ROBO1: variants seen among roughly 807,000 people sequenced by gnomAD.
ROBO1 encodes the protein roundabout guidance receptor 1.
Under a neutral mutation model 195.9 loss-of-function variants are expected in ROBO1, and 149 were observed. The observed-to-expected ratio is 0.76, with a 90% CI of 0.67 to 0.87. The LOEUF (loss-of-function observed/expected upper bound fraction) is 0.87. Ranked by LOEUF, ROBO1 falls within the 40% of genes least tolerant of loss-of-function variation. The pLI, the probability that ROBO1 is intolerant of heterozygous loss-of-function variation, is 0.00. For synonymous variants in ROBO1, 816 were observed against 733.2 expected (o/e 1.11, Z -1.82); for missense variants, 1,933 against 2,068.3 (o/e 0.93, Z 1.27).
At chr3:79,634,667 T>C (rs1945443420) in intron 1 of ROBO1, among the ~76,000 whole-genome samples, 1 of 152,174 alleles carries the variant, frequency 6.6e-6, no homozygotes, top group Non-Finnish European at 1.5e-5. Flanking sequence ...AAACACAGCA[T>C]GATTTTTATC....
chr3:79,316,725 TG>T (rs1372560813), intron 2 of ROBO1, among the ~76,000 whole-genome samples: 1 of 152,070 alleles, frequency 6.6e-6, no homozygotes, highest in Non-Finnish European at 1.5e-5. Context: ...AGTGCCCAGC[TG>T]GGGTTATTAA....
intron 1 of ROBO1, among the ~76,000 whole-genome samples, chr3:79,619,937 G>A (rs1360190568): frequency 6.6e-6 from 1 of 152,074 alleles, no homozygotes; most frequent in Non-Finnish European, 1.5e-5. Flanking sequence ...TAGAGAACAG[G>A]CATCCAAGTG....
chr3:79,333,376 G>A (rs368153972), intron 2 of ROBO1, among the ~76,000 whole-genome samples: 22 of 151,920 alleles, frequency 1.4e-4, no homozygotes, highest in Non-Finnish European at 2.4e-4. Context: ...TCAAGCATGC[G>A]TAACCATGTA....
intron 2 of ROBO1, among the ~76,000 whole-genome samples, chr3:79,272,766 C>G (rs2030680241): frequency 6.6e-6 from 1 of 152,022 alleles, no homozygotes; most frequent in Non-Finnish European, 1.5e-5. Context: ...CACTTTAGCC[C>G]AAAGCGGCAG....
Position 79,164,361 on chromosome 3 carries a change from T to C in ROBO1, c.89-38822A>G, listed in dbSNP as rs575516581. Among the ~76,000 whole-genome samples the C allele has an allele frequency of 4.4e-4, 67 of 152,290 alleles. 1 individual carries two copies. The highest frequency in any genetic ancestry group is 1.6e-3 in the African/African-American group (65 of 41,558). On this transcript the variant is annotated intron_variant, in intron 2 of 30. Transcript: ENST00000464233. ...GAAATCTATCAGAAGGACACATATT[T>C]GTAAGACTTTTACAGCAGAGATTCA...
chr3:79,749,715 T>G (rs1364183096), intron 1 of ROBO1, among the ~76,000 whole-genome samples: 1 of 152,218 alleles, frequency 6.6e-6, no homozygotes, highest in Non-Finnish European at 1.5e-5. Context: ...CATGTGGTGT[T>G]GAACCTACAA....
At chr3:79,308,050 G>C (rs2033304216) in intron 2 of ROBO1, among the ~76,000 whole-genome samples, 1 of 152,084 alleles carries the variant, frequency 6.6e-6, no homozygotes, top group South Asian at 2.1e-4. Context: ...ATTCCCACAA[G>C]CTGACAGCTA....
intron 8 of ROBO1, among the ~76,000 whole-genome samples, chr3:78,706,152 G>A (rs544238680): frequency 1.5e-4 from 23 of 152,034 alleles, no homozygotes; most frequent in African/African-American, 5.5e-4. Context: ...ACTCTCACTC[G>A]GATGGGGAGT....
At chr3:79,065,031 T>G (rs1020057142) in intron 3 of ROBO1, among the ~76,000 whole-genome samples, 9 of 152,092 alleles carry the variant, frequency 5.9e-5, no homozygotes, top group African/African-American at 2.2e-4. Context: ...TGTGATCAGG[T>G]GGAGGTTGTA....
At chr3:79,695,898 G>T (rs905056282) in intron 1 of ROBO1, among the ~76,000 whole-genome samples, 4 of 151,236 alleles carry the variant, frequency 2.6e-5, no homozygotes, top group Non-Finnish European at 5.9e-5. Flanking sequence ...TCTTTAGAAA[G>T]TTTAGTTTCA....
chr3:79,702,314 C>T (rs1947643420), intron 1 of ROBO1, among the ~76,000 whole-genome samples: 1 of 151,824 alleles, frequency 6.6e-6, no homozygotes, highest in Non-Finnish European at 1.5e-5. Context: ...TGGTTTTGCT[C>T]AGGTGGACAA....
intron 1 of ROBO1, among the ~76,000 whole-genome samples, chr3:79,767,373 G>A (rs1162604120): frequency 6.6e-6 from 1 of 152,122 alleles, no homozygotes; most frequent in Non-Finnish European, 1.5e-5. Context: ...GCCAAAAGCG[G>A]CACGAAACCT....
chr3:79,067,184 T>C (rs1337014827), intron 3 of ROBO1, among the ~76,000 whole-genome samples: 1 of 151,986 alleles, frequency 6.6e-6, no homozygotes, highest in Admixed American at 6.6e-5. Context: ...TGTCTCATGA[T>C]TTTAAGGAGC....
chr3:78,643,798 G>T (rs1013801490), intron 21 of ROBO1, among the ~76,000 whole-genome samples: 1 of 152,070 alleles, frequency 6.6e-6, no homozygotes, highest in African/African-American at 2.4e-5. Flanking sequence ...GCTAATGAAG[G>T]TATTATAGAT....
At chr3:79,647,849 T>C (rs1945878904) in intron 1 of ROBO1, among the ~76,000 whole-genome samples, 1 of 151,960 alleles carries the variant, frequency 6.6e-6, no homozygotes. Flanking sequence ...CCGATTCCCG[T>C]AAGATATATC....
At chr3:79,205,153 C>T (rs1314526203) in intron 2 of ROBO1, among the ~76,000 whole-genome samples, 2 of 151,872 alleles carry the variant, frequency 1.3e-5, no homozygotes, top group African/African-American at 4.8e-5. Flanking sequence ...CCACCATATC[C>T]GGTTAATTTT....
chr3:78,976,277 CA>C (rs2076883544), intron 3 of ROBO1, among the ~76,000 whole-genome samples: 3 of 152,250 alleles, frequency 2.0e-5, no homozygotes, highest in Admixed American at 2.0e-4. Flanking sequence ...TCCTGCATCC[CA>C]AAGTTCAGAC....
At chr3:79,239,131 C>G (rs1166168497) in intron 2 of ROBO1, among the ~76,000 whole-genome samples, 4 of 151,996 alleles carry the variant, frequency 2.6e-5, no homozygotes, top group Non-Finnish European at 5.9e-5. Flanking sequence ...CAAATCTCAA[C>G]GAACAAAGAA....
chr3:78,680,399 T>C (rs2080868314), intron 10 of ROBO1, among the ~76,000 whole-genome samples: 1 of 151,932 alleles, frequency 6.6e-6, no homozygotes, highest in African/African-American at 2.4e-5. Context: ...ACAGGCAACC[T>C]ACAAAATGGG....
Sources: allele counts gnomAD v4.1 joint callset (sites outside exome capture counted in the v4.1 genomes callset), GRCh38; gene constraint gnomAD v4.1.1; transcripts MANE v1.5; gene names NCBI Gene and HGNC (gene_info 2026-07-23, HGNC 2026-07-21).